GLS: variants seen among roughly 807,000 people sequenced by gnomAD.
GLS encodes the protein glutaminase.
Under a neutral mutation model 86.7 loss-of-function variants are expected in GLS, and 36 were observed. The observed-to-expected ratio is 0.42, with a 90% confidence interval of 0.32 to 0.55. The LOEUF (loss-of-function observed/expected upper bound fraction) is 0.55. Among genes scored for constraint, GLS ranks in the 20% least tolerant of loss-of-function variants. The probability of loss-of-function intolerance (pLI) is 0.17; values close to 1 mark genes in which losing one functional copy is unlikely to be tolerated. For missense variants in GLS, 528 were observed against 833.4 expected (o/e 0.63, Z 4.51); for synonymous variants, 317 against 305.9 (o/e 1.04, Z -0.38).
intron 7 of GLS, among the ~76,000 whole-genome samples, chr2:190,915,802 G>A (rs1403067860): frequency 6.6e-6 from 1 of 152,152 alleles, no homozygotes; most frequent in Admixed American, 6.5e-5. Flanking sequence ...GTGTTATTAA[G>A]GGTGTGAACC....
At position 190,881,400 on chromosome 2, in the gene GLS, A is replaced by C; in HGVS notation, c.316A>C (p.Lys106Gln). 6.5e-7 allele frequency: 1 copy of C among 1,542,236 alleles called. No individual in the cohort carries two copies. The highest frequency in any genetic ancestry group is 8.7e-7 in the Non-Finnish European group (1 of 1,143,810). Residue 106 changes from lysine to glutamine, a missense_variant, in exon 1 of 18, where the codon AAG becomes CAG. Physicochemically the swap from Lys to Gln is moderately conservative, Grantham distance 53. Transcript: ENST00000320717. Reference protein sequence around the residue: ...PPAAPAAPGPKDGPGETDAFG... With the variant: ...PPAAPAAPGPQDGPGETDAFG... The stretch of plus-strand genomic sequence containing the variant: ...CGCTGCCCCGGCGGCGCCCGGCCCC[A>C]AGGACGGCCCCGGGGAGACGGACGC...
chr2:190,927,602 T>C (rs1427420714), intron 12 of GLS, 120 bp downstream of exon 12: 1 of 661,976 alleles, frequency 1.5e-6, no homozygotes. Context: ...GAGAGGCTTG[T>C]TTTCAAGGTT....
chr2:190,884,463 C>T lies in GLS; in HGVS notation c.386+2993C>T, dbSNP rs112641365. On this transcript the variant is annotated intron_variant, in intron 1 of 17. Transcript: ENST00000320717. ...CTCTCTTCCAGAAAACCAGCAGGATCTGGAATGAGCATTATATTAAAGTCA... is the reference window on the plus strand; with the variant it reads ...CTCTCTTCCAGAAAACCAGCAGGATTTGGAATGAGCATTATATTAAAGTCA... Among the ~76,000 whole-genome samples the T allele has an allele frequency of 9.8e-5, 15 of 152,334 alleles. 1 individual carries two copies. Among genetic ancestry groups the T allele is most frequent in the African/African-American group, 3.4e-4 (14 of 41,570 alleles).
chr2:190,926,642 T>TA (rs1487989969), intron 11 of GLS, among the ~76,000 whole-genome samples: 1 of 152,168 alleles, frequency 6.6e-6, no homozygotes, highest in Non-Finnish European at 1.5e-5. Context: ...TGATTGTATT[T>TA]AAATGCAAAA....
intron 1 of GLS, among the ~76,000 whole-genome samples, chr2:190,884,386 A>G (rs563801263): frequency 1.6e-3 from 248 of 152,234 alleles, no homozygotes; most frequent in Admixed American, 3.1e-3. Flanking sequence ...AATTCAACCT[A>G]TTTTGCGTAC....
chr2:190,889,326 T>C (rs978586411), intron 1 of GLS, among the ~76,000 whole-genome samples: 3 of 152,216 alleles, frequency 2.0e-5, no homozygotes, highest in African/African-American at 4.8e-5. Flanking sequence ...CCCCAGCTGC[T>C]GCTTTCTTCT....
chr2:190,907,447 G>T (rs1689194859), intron 6 of GLS, among the ~76,000 whole-genome samples: 1 of 151,566 alleles, frequency 6.6e-6, no homozygotes, highest in Non-Finnish European at 1.5e-5. Flanking sequence ...GTAGAGACGG[G>T]GTTTCTCCAT....
chr2:190,952,625 T>A lies in GLS; in HGVS notation c.1651-940T>A, dbSNP rs935492223. On this transcript the variant is annotated intron_variant, in intron 14 of 17. Transcript: ENST00000320717. ...TTGAAGCACAGTTCCAGGCTGTGGC[T>A]TTGTTGGTGGAGAGCTGGGTTACTT... 1.3e-5 allele frequency among the ~76,000 whole-genome samples: 2 copies of A among 152,192 alleles called. 1 individual carries two copies. The highest frequency in any genetic ancestry group is 4.8e-5 in the African/African-American group (2 of 41,446).
intron 14 of GLS, chr2:190,934,743 T>A: frequency 3.1e-6 from 3 of 972,658 alleles, no homozygotes; most frequent in Non-Finnish European, 2.4e-6. Context: ...TTTGTGTCAC[T>A]TACTATTTTT....
intron 1 of GLS, among the ~76,000 whole-genome samples, chr2:190,882,335 G>A (rs918024215): frequency 6.6e-6 from 1 of 152,216 alleles, no homozygotes; most frequent in South Asian, 2.1e-4. Flanking sequence ...CGGCACAGTA[G>A]TTTAGTCTTA....
chr2:190,932,011 T>C (rs924770410), intron 14 of GLS, among the ~76,000 whole-genome samples: 1 of 152,000 alleles, frequency 6.6e-6, no homozygotes, highest in African/African-American at 2.4e-5. Flanking sequence ...AAAGAAAGCA[T>C]CGTTTTAATA....
At position 190,954,818 on chromosome 2, in the gene GLS, G is replaced by C; in HGVS notation, c.1853G>C (p.Arg618Thr). Reference sequence around the variant, plus strand: ...AAAGTAAACCCTTTCCCCAAGGACAGGTGAGCACTTATGTTACCTTCTAAA... The same window carrying C: ...AAAGTAAACCCTTTCCCCAAGGACACGTGAGCACTTATGTTACCTTCTAAA... ...ACKVNPFPKD[R>T]WNNTPMDEAL... is the part of the protein sequence containing the mutation. Residue 618 changes from arginine (R) to threonine (T), a missense_variant and splice_region_variant, in exon 17 of 18, where the codon AGG becomes ACG. Arg to Thr is a moderately conservative substitution (Grantham distance 71, BLOSUM62 -1). Around this residue, in one of 4 missense-constraint regions of GLS, gnomAD observed 163 missense variants for 429.2 expected, o/e 0.38. Coordinates refer to ENST00000320717, the MANE Select transcript of GLS (RefSeq NM_014905.5). The surrounding 1 kb of genome is among the most constrained non-coding windows in gnomAD (Gnocchi z 4.0). 6.2e-7 allele frequency: 1 copy of C among 1,602,492 alleles called. No homozygotes were observed. The highest frequency in any genetic ancestry group is 8.5e-7 in the Non-Finnish European group (1 of 1,171,570).
At chr2:190,890,095 C>T (rs138101780) in intron 1 of GLS, among the ~76,000 whole-genome samples, 166 of 152,104 alleles carry the variant, frequency 1.1e-3, no homozygotes, top group African/African-American at 3.1e-3. Context: ...TCTGGTCCAG[C>T]CACTTAAGAT....
Position 190,920,816 on chromosome 2 carries a change from T to C in GLS, c.1039-208T>C, listed in dbSNP as rs970358137. On this transcript the variant is annotated intron_variant, in intron 7 of 17. Transcript: ENST00000320717. This position sits in a 1 kb window ranked among gnomAD's most constrained non-coding sequence, Gnocchi z 4.2. ...TATACTTAAAATAAAGCATTCCCTT[T>C]GTAATTCTAATGCATTCTCAACATA... is the stretch of plus-strand genomic sequence containing the variant. 6.6e-6 allele frequency among the ~76,000 whole-genome samples: 1 copy of C among 151,746 alleles called. No homozygotes were observed. Among genetic ancestry groups the C allele is most frequent in the African/African-American group, 2.4e-5 (1 of 41,428 alleles).
chr2:190,916,799 A>G (rs906981343), intron 7 of GLS, among the ~76,000 whole-genome samples: 1 of 152,212 alleles, frequency 6.6e-6, no homozygotes, highest in Admixed American at 6.5e-5. Flanking sequence ...TAACCAATGC[A>G]TACGGAAGTT....
intron 4 of GLS, 118 bp downstream of exon 4, chr2:190,900,811 G>A (rs749638782): frequency 1.3e-5 from 8 of 631,340 alleles, no homozygotes; most frequent in South Asian, 5.0e-5. Context: ...CTTTAGCTTC[G>A]CTTAAGAAAT....
intron 14 of GLS, among the ~76,000 whole-genome samples, chr2:190,939,660 A>G (rs1019005986): frequency 2.6e-5 from 4 of 151,716 alleles, no homozygotes; most frequent in African/African-American, 9.7e-5. Flanking sequence ...ATGTGTTTAT[A>G]TATGTTTTAT....
At chr2:190,928,983 G>GTTTA (rs1259448090) in intron 12 of GLS, among the ~76,000 whole-genome samples, 2 of 80,554 alleles carry the variant, frequency 2.5e-5, no homozygotes, top group Non-Finnish European at 5.2e-5. Flanking sequence ...ATTTTTGTTT[G>GTTTA]TTTATTTATT....
chr2:190,881,511 G>A (rs895464953), intron 1 of GLS, 41 bp downstream of exon 1: 1 of 1,521,820 alleles, frequency 6.6e-7, no homozygotes, highest in South Asian at 1.2e-5. Flanking sequence ...CGTTCCTTTC[G>A]GGGCCCGGGC....
Sources: allele counts gnomAD v4.1 joint callset (sites outside exome capture counted in the v4.1 genomes callset), GRCh38; gene constraint gnomAD v4.1.1; regional missense constraint gnomAD v4.1.1; non-coding constraint Gnocchi (gnomAD v3.1); transcripts MANE v1.5; gene names NCBI Gene and HGNC (gene_info 2026-07-23, HGNC 2026-07-21).